Variants in ZDHHC21 observed in about 807,000 individuals in gnomAD.
ZDHHC21 encodes the protein zDHHC palmitoyltransferase 21.
In ZDHHC21, 15 loss-of-function variants were observed where a neutral mutation model predicts 34.6. The ratio of observed to expected loss-of-function variants is 0.43; its 90% CI spans 0.29 to 0.67. The LOEUF (loss-of-function observed/expected upper bound fraction) is 0.67, where lower values mean the gene tolerates loss of function less well. ZDHHC21 is among the 30% of genes least tolerant of loss of function. The pLI is 0.14. For synonymous variants in ZDHHC21, 142 were observed against 101.8 expected (o/e 1.40, Z -2.38); for missense variants, 344 against 327.7 (o/e 1.05, Z -0.38).
rs147028294 is a variant in ZDHHC21 at position 14,613,820 on chromosome 9, G to C, written c.*5146C>G. The stretch of plus-strand genomic sequence containing the variant: ...TTTGCAATAAGAGATTTCCAGAAAA[G>C]GTGCCAGTTTTTTCAAACTTTGGTC... On this transcript the variant is annotated 3_prime_UTR_variant, in exon 10 of 10. Transcript: ENST00000380916. 1 of 151,590 alleles carries C rather than the reference G, an allele frequency of 6.6e-6. No homozygotes were observed. Among genetic ancestry groups the C allele is most frequent in the African/African-American group, 2.4e-5 (1 of 41,368 alleles). The allele number at this position is 151,590 out of a possible 1,614,324, so 9.4% of individuals were successfully genotyped here. A position where few individuals can be genotyped will look rare whatever the true frequency, so the allele number is the denominator to read the frequency against.
chr9:14,668,340 G>T (rs1410521986), intron 5 of ZDHHC21, among the ~76,000 whole-genome samples: 12 of 96,462 alleles, frequency 1.2e-4, no homozygotes, highest in South Asian at 4.6e-4. Flanking sequence ...CACTGCTCAA[G>T]GAAATAAAAG....
At chr9:14,662,114 T>C (rs1367505403) in intron 6 of ZDHHC21, 101 bp downstream of exon 6, 1 of 696,454 alleles carries the variant, frequency 1.4e-6, no homozygotes, top group Non-Finnish European at 2.3e-6. Context: ...ATTGTAAAAC[T>C]ATATAACTTT....
chr9:14,619,098 T>A lies in ZDHHC21; in HGVS notation c.666A>T (p.Ile222=). Residue 222 remains isoleucine (I), a splice_region_variant and synonymous_variant, in exon 10 of 10, where the codon ATA becomes ATT. Transcript: ENST00000380916. ...GCTGCCATGGCTTTCGGGGCCTCGA[T>A]CTACAGAAGACAGCATTATTAGTGA... ...IEKMSNCCED[I]SRPRKPWQQT... 1 of 1,606,350 alleles carries A rather than the reference T, an allele frequency of 6.2e-7. No homozygotes were observed. Among genetic ancestry groups the A allele is most frequent in the Non-Finnish European group, 8.5e-7 (1 of 1,176,626 alleles).
At chr9:14,619,507 G>C (rs1175701188) in intron 9 of ZDHHC21, 132 bp downstream of exon 9, 1 of 751,704 alleles carries the variant, frequency 1.3e-6, no homozygotes, top group Non-Finnish European at 2.1e-6. Flanking sequence ...AGCTTGCCTA[G>C]CACAGGCCTC....
chr9:14,676,898 CCTTT>C (rs1209429504), intron 3 of ZDHHC21, among the ~76,000 whole-genome samples: 73 of 151,900 alleles, frequency 4.8e-4, no homozygotes, highest in Non-Finnish European at 2.2e-4. Context: ...ATTTTATGTA[CCTTT>C]CTTTCTTTAA....
chr9:14,657,107 A>C (rs1832383380), intron 7 of ZDHHC21, among the ~76,000 whole-genome samples: 2 of 152,050 alleles, frequency 1.3e-5, no homozygotes, highest in African/African-American at 4.8e-5. Context: ...TCATTTGGAG[A>C]AGAAAATTAG....
intron 2 of ZDHHC21, among the ~76,000 whole-genome samples, chr9:14,688,823 C>T (rs1179831697): frequency 1.3e-5 from 2 of 151,978 alleles, no homozygotes; most frequent in Admixed American, 6.6e-5. Flanking sequence ...GATCACCCCA[C>T]TGCACTCCAG....
At chr9:14,644,545 C>G (rs1279026734) in intron 7 of ZDHHC21, among the ~76,000 whole-genome samples, 1 of 151,752 alleles carries the variant, frequency 6.6e-6, no homozygotes, top group African/African-American at 2.4e-5. Context: ...GACCATTTAT[C>G]TGATTATGAA....
chr9:14,692,857 G>C (rs1043073567), intron 1 of ZDHHC21, among the ~76,000 whole-genome samples: 1 of 152,066 alleles, frequency 6.6e-6, no homozygotes, highest in Non-Finnish European at 1.5e-5. Flanking sequence ...TGCGGGGAGA[G>C]AAACTGTAGT....
At chr9:14,647,663 T>C (rs1830495275) in intron 7 of ZDHHC21, among the ~76,000 whole-genome samples, 1 of 126,948 alleles carries the variant, frequency 7.9e-6, no homozygotes, top group Non-Finnish European at 1.8e-5. Flanking sequence ...TCATGATAAT[T>C]TCTCTTTCAA....
chr9:14,677,286 T>TA (rs142224881), intron 3 of ZDHHC21: 3 of 53,228 alleles, frequency 5.6e-5, no homozygotes, highest in African/African-American at 1.5e-4. Flanking sequence ...TTGAATATAT[T>TA]TTTTTTAATA....
At chr9:14,644,542 T>G (rs1362628499) in intron 7 of ZDHHC21, among the ~76,000 whole-genome samples, 1 of 151,974 alleles carries the variant, frequency 6.6e-6, no homozygotes, top group East Asian at 1.9e-4. Context: ...AAAGACCATT[T>G]ATCTGATTAT....
At chr9:14,604,927 A>ACTTT in the ZDHHC21 span, among the ~76,000 whole-genome samples, 1 of 152,128 alleles carries the variant, frequency 6.6e-6, no homozygotes, top group South Asian at 2.1e-4. Context: ...AAGTTTGACT[A>ACTTT]CATTAGATAC....
chr9:14,669,708 C>T lies in ZDHHC21; in HGVS notation c.253+3122G>A, dbSNP rs1050000571. ...GATGAGTTCATGTCCTTTGTAGGGA[C>T]GTGGATGAAATTGGAAATCATCATT... On this transcript the variant is annotated intron_variant, in intron 5 of 9. Transcript: ENST00000380916. Among the ~76,000 whole-genome samples, 3 of 149,374 alleles carry T rather than the reference C, an allele frequency of 2.0e-5. No homozygotes were observed. The East Asian group carries it at 6.0e-4, about 30-fold the overall frequency.
chr9:14,605,478 GTCT>G, the ZDHHC21 span, among the ~76,000 whole-genome samples: 2 of 152,074 alleles, frequency 1.3e-5, no homozygotes, highest in South Asian at 2.1e-4. Context: ...TCATTTGTGT[GTCT>G]TCTTTGGAGA....
chr9:14,691,628 C>A (rs978813536), intron 1 of ZDHHC21, among the ~76,000 whole-genome samples: 1 of 152,154 alleles, frequency 6.6e-6, no homozygotes, highest in African/African-American at 2.4e-5. Flanking sequence ...AAAAGTGACA[C>A]GGTCCTCATC....
the ZDHHC21 span, among the ~76,000 whole-genome samples, chr9:14,605,720 G>A: frequency 6.6e-6 from 1 of 152,090 alleles, no homozygotes; most frequent in Non-Finnish European, 1.5e-5. Flanking sequence ...ATTTGCTTTT[G>A]TTGCTTGTGC....
At position 14,616,003 on chromosome 9, in the gene ZDHHC21, T is replaced by G. The variant is rs1223182938; in HGVS notation, c.*2963A>C. 6.6e-6 allele frequency: 1 copy of G among 151,500 alleles called. No individual in the cohort carries two copies. Among genetic ancestry groups the G allele is most frequent in the Non-Finnish European group, 1.5e-5 (1 of 67,678 alleles). 9.4% of individuals were successfully genotyped at this position (151,500 alleles called of 1,614,324 possible). ...AAGAAATTGTTACTAAAACTATAGA[T>G]ATAACTCTGCGAAATGTAAAAAAAA... On this transcript the variant is annotated 3_prime_UTR_variant, in exon 10 of 10. Transcript: ENST00000380916.
chr9:14,675,321 G>A (rs75851539), intron 3 of ZDHHC21, among the ~76,000 whole-genome samples: 45 of 151,900 alleles, frequency 3.0e-4, no homozygotes, highest in African/African-American at 8.4e-4. Context: ...TACCTTTTAC[G>A]TAAAATACAA....
Sources: allele counts gnomAD v4.1 joint callset (sites outside exome capture counted in the v4.1 genomes callset), GRCh38; gene constraint gnomAD v4.1.1; transcripts MANE v1.5; gene names NCBI Gene and HGNC (gene_info 2026-07-23, HGNC 2026-07-21).